SMG6: variants seen among roughly 807,000 people sequenced by gnomAD.
SMG6 encodes the protein telomerase-binding protein EST1A.
Under a neutral mutation model 142.2 loss-of-function variants are expected in SMG6, and 66 were observed. That is an observed-to-expected ratio of 0.46 (90% CI 0.38 to 0.57). The LOEUF (loss-of-function observed/expected upper bound fraction) is 0.57, where lower values mean the gene tolerates loss of function less well. Ranked by LOEUF, SMG6 falls within the 20% of genes least tolerant of loss-of-function variation. SMG6 has a pLI of 0.00. For synonymous variants in SMG6, 779 were observed against 702.4 expected, an observed-to-expected ratio of 1.11 and a Z score of -1.72; for missense variants, 1,793 against 1,832.0, an observed-to-expected ratio of 0.98 and a Z score of 0.39.
chr17:2,087,936 G>GC (rs1567587363), intron 13 of SMG6: 2 of 985,618 alleles, frequency 2.0e-6, no homozygotes, highest in African/African-American at 1.7e-5. Flanking sequence ...CTGACCTTAC[G>GC]CCCCAGCTAC....
chr17:2,259,811 C>A (rs2074273685), intron 8 of SMG6, among the ~76,000 whole-genome samples: 1 of 152,082 alleles, frequency 6.6e-6, no homozygotes, highest in Non-Finnish European at 1.5e-5. Flanking sequence ...ACCCCTGAAT[C>A]TCTCAGGAAA....
intron 13 of SMG6, among the ~76,000 whole-genome samples, chr17:2,104,741 G>A (rs1567601107): frequency 6.6e-6 from 1 of 152,242 alleles, no homozygotes; most frequent in East Asian, 1.9e-4. Flanking sequence ...GTAATCCTGT[G>A]AGACAGGAAG....
At chr17:2,197,290 G>A (rs139476166) in intron 10 of SMG6, among the ~76,000 whole-genome samples, 76 of 152,238 alleles carry the variant, frequency 5.0e-4, no homozygotes, top group African/African-American at 1.8e-3. Context: ...CTGGCCAGGC[G>A]CGGTGGCTCA....
rs1410597666 is a variant in SMG6 at position 2,085,077 on chromosome 17, T to C, written c.3534+648A>G. Among the ~76,000 whole-genome samples, 2 of 152,092 alleles carry C rather than the reference T, an allele frequency of 1.3e-5. No homozygotes were observed. Among genetic ancestry groups the C allele is most frequent in the Non-Finnish European group, 2.9e-5 (2 of 68,014 alleles). ...ATATATAGGGCAGGGCAACTGCCAGTGGACTATTGCAGGGGCGGGTACACA... is the reference window on the plus strand; with the variant it reads ...ATATATAGGGCAGGGCAACTGCCAGCGGACTATTGCAGGGGCGGGTACACA... On this transcript the variant is annotated intron_variant, in intron 14 of 18. Coordinates refer to ENST00000263073, the MANE Select transcript of SMG6 (RefSeq NM_017575.5). The surrounding 1 kb of genome is among the most constrained non-coding windows in gnomAD (Gnocchi z 4.1).
chr17:2,302,911 A>AC (rs2075315913), intron 1 of SMG6: 3 of 964,028 alleles, frequency 3.1e-6, no homozygotes, highest in Non-Finnish European at 1.2e-6. Context: ...AACCAATTTC[A>AC]CAGACTGGCC....
At chr17:2,294,523 C>T (rs1286590377) in intron 4 of SMG6, among the ~76,000 whole-genome samples, 2 of 152,168 alleles carry the variant, frequency 1.3e-5, no homozygotes, top group African/African-American at 4.8e-5. Flanking sequence ...CCTAACACAC[C>T]ACGGTGTTCT....
Position 2,112,564 on chromosome 17 carries a change from TAAATAAAA to T in SMG6, c.3358-26671_3358-26664del, listed in dbSNP as rs1420170963. Among the ~76,000 whole-genome samples the T allele has an allele frequency of 2.9e-5, 4 of 140,208 alleles. No homozygotes were observed. In the South Asian group the frequency reaches 6.9e-4, roughly 24 times the overall value. The allele number at this position is 140,208 out of a possible 152,430, so 92.0% of individuals were successfully genotyped here. ...ATAAATAAATAAATAAATAAATAAA[TAAATAAAA>T]GGCAATGGTCTGTTCCAAGTTCTTG... On this transcript the variant is annotated intron_variant, in intron 13 of 18. Transcript: ENST00000263073.
chr17:2,182,623 T>C (rs372021183), intron 12 of SMG6, among the ~76,000 whole-genome samples: 21 of 152,274 alleles, frequency 1.4e-4, no homozygotes, highest in African/African-American at 4.8e-4. Flanking sequence ...AGGTTACCCA[T>C]GAGTCTAGGA....
At position 2,061,072 on chromosome 17, in the gene SMG6, A is replaced by C; in HGVS notation, c.*420T>G. On this transcript the variant is annotated 3_prime_UTR_variant, in exon 19 of 19. Transcript: ENST00000263073. The stretch of plus-strand genomic sequence containing the variant: ...ACAGAGGTTCTGAAGATGAAAGGGA[A>C]CTGTGATTTCACTGCATCTGACGGA... 1 of 168,766 alleles carries C rather than the reference A, an allele frequency of 5.9e-6. No homozygotes were observed. 10.5% of individuals were successfully genotyped at this position (168,766 alleles called of 1,614,324 possible).
At chr17:2,284,210 TAATCTTCC>T in intron 6 of SMG6, among the ~76,000 whole-genome samples, 2 of 152,184 alleles carry the variant, frequency 1.3e-5, no homozygotes, top group African/African-American at 4.8e-5. Flanking sequence ...TATTATGTAA[TAATCTTCC>T]TGAGTTCCTA....
At chr17:2,145,950 T>C (rs2151586409) in intron 13 of SMG6, among the ~76,000 whole-genome samples, 1 of 152,216 alleles carries the variant, frequency 6.6e-6, no homozygotes, top group Non-Finnish European at 1.5e-5. Context: ...TCCATGTCTT[T>C]CAGTTATTCA....
At chr17:2,098,172 G>A (rs889116004) in intron 13 of SMG6, among the ~76,000 whole-genome samples, 1 of 152,038 alleles carries the variant, frequency 6.6e-6, no homozygotes, top group Admixed American at 6.6e-5. Flanking sequence ...TGTAGAGACG[G>A]GGTTTCACCA....
intron 13 of SMG6, among the ~76,000 whole-genome samples, chr17:2,157,713 G>C (rs1212055431): frequency 1.3e-5 from 2 of 152,178 alleles, no homozygotes; most frequent in Non-Finnish European, 2.9e-5. Context: ...GTCTGCAAAT[G>C]ATCTTCATCA....
At position 2,300,240 on chromosome 17, in the gene SMG6, C is replaced by T. The variant is rs780433356; in HGVS notation, c.513G>A (p.Gln171=). The T allele has an allele frequency of 1.2e-6, 2 of 1,614,210 alleles. No homozygotes were observed. Among genetic ancestry groups the T allele is most frequent in the Admixed American group, 1.7e-5 (1 of 60,028 alleles). The part of the protein sequence containing the change: ...SRVEEEEVLN[Q]VEQLRVEEDE... The stretch of plus-strand genomic sequence containing the variant: ...CTTCCTCTACTCTCAGTTGTTCTAC[C>T]TGGTTGAGGACTTCTTCCTCCTCCA... The change falls in exon 2 of 19, where the codon CAG becomes CAA. Residue 171 remains glutamine (Q), a synonymous_variant. Transcript: ENST00000263073.
chr17:2,080,640 CTTT>C (rs796298262), intron 15 of SMG6, among the ~76,000 whole-genome samples: 1 of 144,278 alleles, frequency 6.9e-6, no homozygotes, highest in African/African-American at 2.5e-5. Flanking sequence ...TTTCTTTTTT[CTTT>C]TTTTTTTTTT....
chr17:2,297,809 G>GT (rs1567759918), intron 3 of SMG6, 54 bp downstream of exon 3: 4 of 1,555,406 alleles, frequency 2.6e-6, no homozygotes, highest in African/African-American at 1.4e-5. Flanking sequence ...AAAATCCATC[G>GT]TAACTACAGA....
At chr17:2,115,442 G>A (rs916206016) in intron 13 of SMG6, among the ~76,000 whole-genome samples, 1 of 151,968 alleles carries the variant, frequency 6.6e-6, no homozygotes, top group African/African-American at 2.4e-5. Context: ...CACAAACTTC[G>A]GAAACTTTCA....
At chr17:2,209,566 G>T (rs1225564201) in intron 10 of SMG6, among the ~76,000 whole-genome samples, 2 of 152,168 alleles carry the variant, frequency 1.3e-5, no homozygotes, top group Non-Finnish European at 2.9e-5. Context: ...GTTTCACCAT[G>T]TTGGCCAGGC....
At chr17:2,065,203 ATGTG>A (rs1212727294) in intron 17 of SMG6, 49 bp from the exon 18 acceptor site, 2 of 1,482,808 alleles carry the variant, frequency 1.3e-6, no homozygotes, top group Non-Finnish European at 1.9e-6. Context: ...AGGGGGCGCC[ATGTG>A]GAGGAGGAGG....
Sources: gnomAD v4.1 joint callset for allele counts (sites outside exome capture counted in the v4.1 genomes callset) on GRCh38, gnomAD v4.1.1 for gene constraint, Gnocchi (gnomAD v3.1) non-coding constraint, MANE v1.5 for transcripts, NCBI Gene and HGNC (gene_info 2026-07-23, HGNC 2026-07-21) for gene names.